Variants in BBS12 observed in about 807,000 individuals in gnomAD.
BBS12 encodes the protein Bardet-Biedl syndrome 12, also known as chaperonin-containing T-complex member BBS12.
In BBS12, 5 loss-of-function variants were observed where a neutral mutation model predicts 5.6. That is an observed-to-expected ratio of 0.89 (90% CI 0.46 to 1.86). The LOEUF is 1.86. Among genes scored for constraint, BBS12 ranks in the 40% most tolerant of loss-of-function variants. The probability of loss-of-function intolerance (pLI) is 0.01; values close to 1 mark genes in which losing one functional copy is unlikely to be tolerated. For missense variants in BBS12, 748 were observed against 830.4 expected (o/e 0.90, Z 1.22); for synonymous variants, 308 against 306.8 (o/e 1.00, Z -0.04).
At chr4:122,733,568 T>C (rs1166603639) in intron 1 of BBS12, among the ~76,000 whole-genome samples, 1 of 152,184 alleles carries the variant, frequency 6.6e-6, no homozygotes, top group Admixed American at 6.5e-5. Flanking sequence ...TGTGAAACTT[T>C]TGTAAACCAA....
At chr4:122,726,037 C>T in the BBS12 span, among the ~76,000 whole-genome samples, 55 of 151,730 alleles carry the variant, frequency 3.6e-4, 1 homozygote, top group Middle Eastern at 0.01. Context: ...ACCAAGAACC[C>T]AAAAGCAAAT....
At chr4:122,740,415 C>T (rs951057497) in intron 1 of BBS12, among the ~76,000 whole-genome samples, 1 of 152,218 alleles carries the variant, frequency 6.6e-6, no homozygotes, top group African/African-American at 2.4e-5. Context: ...ATGCCACATA[C>T]CTTTCCCATT....
At chr4:122,737,661 CT>C (rs1281288734) in intron 1 of BBS12, among the ~76,000 whole-genome samples, 1 of 152,202 alleles carries the variant, frequency 6.6e-6, no homozygotes, top group Non-Finnish European at 1.5e-5. Flanking sequence ...AGAGGAACCC[CT>C]ACCTCACACC....
rs745504524 is a variant in BBS12 at position 122,742,749 on chromosome 4, TAGA to T, written c.863_865del (p.Glu288del). 15 of 1,614,108 alleles carry T rather than the reference TAGA, an allele frequency of 9.3e-6. No individual in the cohort carries two copies. The African/African-American group carries it at 2.0e-4, about 22-fold the overall frequency. On this transcript the variant is annotated inframe_deletion, in exon 2 of 2. Coordinates refer to ENST00000314218, the MANE Select transcript of BBS12 (RefSeq NM_152618.3). ...GGAGATCACAGCAGCATGAAGTTAG[TAGA>T]AGAAGCAGTACAGCTGCAATATCAG...
the BBS12 span, among the ~76,000 whole-genome samples, chr4:122,709,741 A>G: frequency 1.3e-5 from 2 of 151,808 alleles, no homozygotes; most frequent in African/African-American, 4.8e-5. Flanking sequence ...TGCAACCTCC[A>G]CTTCCTGGGT....
At chr4:122,715,998 T>G in the BBS12 span, among the ~76,000 whole-genome samples, 1 of 152,188 alleles carries the variant, frequency 6.6e-6, no homozygotes, top group Non-Finnish European at 1.5e-5. Context: ...TTAGACCAAA[T>G]TCAATAAGTT....
At chr4:122,705,870 T>C in the BBS12 span, among the ~76,000 whole-genome samples, 3 of 152,346 alleles carry the variant, frequency 2.0e-5, no homozygotes, top group African/African-American at 7.2e-5. Flanking sequence ...GAAACAATAT[T>C]ATAATGTTTC....
At position 122,741,866 on chromosome 4, in the gene BBS12, T is replaced by C; in HGVS notation, c.-10-17T>C. The stretch of plus-strand genomic sequence containing the variant: ...AATTATACTGAATAAAGTTACAAGT[T>C]TTTATTTTGTTTGCAGATCATGATA... On this transcript the variant is annotated splice_polypyrimidine_tract_variant and intron_variant, in intron 1 of 1. Coordinates refer to ENST00000314218, the MANE Select transcript of BBS12 (RefSeq NM_152618.3). 6.2e-7 allele frequency: 1 copy of C among 1,601,648 alleles called. No homozygotes were observed. The highest frequency in any genetic ancestry group is 1.7e-4 in the Middle Eastern group (1 of 6,044).
the BBS12 span, among the ~76,000 whole-genome samples, chr4:122,717,889 C>T: frequency 6.6e-6 from 1 of 152,178 alleles, no homozygotes; most frequent in Non-Finnish European, 1.5e-5. Context: ...AAGATAACTC[C>T]TATTCCATGG....
At chr4:122,701,405 A>G in the BBS12 span, among the ~76,000 whole-genome samples, 2 of 147,472 alleles carry the variant, frequency 1.4e-5, no homozygotes, top group African/African-American at 2.5e-5. Flanking sequence ...TATTGCACCT[A>G]TAACATAACT....
At chr4:122,739,605 A>C (rs1800835038) in intron 1 of BBS12, among the ~76,000 whole-genome samples, 1 of 152,278 alleles carries the variant, frequency 6.6e-6, no homozygotes, top group African/African-American at 2.4e-5. Context: ...ACCCTAGAGC[A>C]CAAACCTTTG....
rs2150736540 is a variant in BBS12, at chr4:122,742,697, G to A, written c.805G>A (p.Val269Ile). The A allele has an allele frequency of 5.0e-6, 8 of 1,614,236 alleles. No individual in the cohort carries two copies. Among genetic ancestry groups the A allele is most frequent in the Non-Finnish European group, 5.1e-6 (6 of 1,180,036 alleles). The part of the protein sequence containing the change: ...THKTYRCNDL[V>I]ELAVGLSHGD... ...CAAAACTTACAGATGTAATGATTTGGTAGAGTTGGCAGTAGGCTTGAGTCA... is the reference window on the plus strand; with the variant it reads ...CAAAACTTACAGATGTAATGATTTGATAGAGTTGGCAGTAGGCTTGAGTCA... The change falls in exon 2 of 2, where the codon GTA becomes ATA. Residue 269 changes from valine to isoleucine, a missense_variant. Coordinates refer to ENST00000314218, the MANE Select transcript of BBS12 (RefSeq NM_152618.3).
At chr4:122,736,666 C>G (rs960987057) in intron 1 of BBS12, among the ~76,000 whole-genome samples, 3 of 152,128 alleles carry the variant, frequency 2.0e-5, no homozygotes, top group Non-Finnish European at 2.9e-5. Flanking sequence ...ACATGCATAG[C>G]AGGACAAGAA....
At position 122,742,926 on chromosome 4, in the gene BBS12, T is replaced by C; in HGVS notation, c.1034T>C (p.Val345Ala). Reference protein sequence around the residue: ...ITVVSVSNNPVIKELQNQPVR... With the variant: ...ITVVSVSNNPAIKELQNQPVR... The stretch of plus-strand genomic sequence containing the variant: ...GTTGTGTCAGTATCTAATAATCCTG[T>C]GATCAAGGAATTGCAGAATCAGCCT... The change falls in exon 2 of 2, where the codon GTG (valine) becomes GCG (alanine). Residue 345 changes from valine to alanine, a missense_variant. Transcript: ENST00000314218. 6.2e-7 allele frequency: 1 copy of C among 1,614,222 alleles called. No homozygotes were observed. Among genetic ancestry groups the C allele is most frequent in the Non-Finnish European group, 8.5e-7 (1 of 1,180,040 alleles).
upstream of BBS12, chr4:122,732,275 A>G (rs1330460640): frequency 6.6e-6 from 1 of 152,376 alleles, no homozygotes; most frequent in South Asian, 2.1e-4. Flanking sequence ...ATGATAAACT[A>G]TATTAAAGTA....
At position 122,742,797 on chromosome 4, in the gene BBS12, G is replaced by A; in HGVS notation, c.905G>A (p.Gly302Asp). The A allele has an allele frequency of 6.2e-7, 1 of 1,614,184 alleles. No homozygotes were observed. Among genetic ancestry groups the A allele is most frequent in the Non-Finnish European group, 8.5e-7 (1 of 1,180,024 alleles). Reference protein sequence around the residue: ...LQYQNACVQQGNCTKPFMFDI... With the variant: ...LQYQNACVQQDNCTKPFMFDI... The stretch of plus-strand genomic sequence containing the variant: ...TATCAGAATGCTTGTGTGCAACAAG[G>A]CAACTGTACAAAACCATTTATGTTT... Residue 302 changes from glycine (G) to aspartate (D), a missense_variant, in exon 2 of 2, where the codon GGC (glycine) becomes GAC (aspartate). Gly to Asp is a moderately conservative substitution (Grantham distance 94, BLOSUM62 -1). Transcript: ENST00000314218.
Position 122,742,680 on chromosome 4 carries a change from A to G in BBS12, c.788A>G (p.Tyr263Cys). Reference protein sequence around the residue: ...QEHVTATHKTYRCNDLVELAV... With the variant: ...QEHVTATHKTCRCNDLVELAV... ...CATGTTACAGCTACTCACAAAACTT[A>G]CAGATGTAATGATTTGGTAGAGTTG... Residue 263 changes from tyrosine (Y) to cysteine (C), a missense_variant, in exon 2 of 2, where the codon TAC becomes TGC. Physicochemically the swap from Tyr to Cys is radical, Grantham distance 194 (BLOSUM62 -2). Coordinates refer to ENST00000314218, the MANE Select transcript of BBS12 (RefSeq NM_152618.3). The G allele has an allele frequency of 6.2e-7, 1 of 1,614,248 alleles. No homozygotes were observed. The highest frequency in any genetic ancestry group is 1.1e-5 in the South Asian group (1 of 91,088).
the BBS12 span, among the ~76,000 whole-genome samples, chr4:122,712,523 G>A: frequency 2.0e-5 from 3 of 152,318 alleles, no homozygotes; most frequent in East Asian, 1.9e-4. Flanking sequence ...CCAGTCTTTC[G>A]AATGGACTGC....
chr4:122,727,428 T>G, the BBS12 span, among the ~76,000 whole-genome samples: 18 of 151,548 alleles, frequency 1.2e-4, no homozygotes, highest in African/African-American at 3.9e-4. Context: ...TTATTTTTAG[T>G]AGAGACAGGG....
Sources: allele counts gnomAD v4.1 joint callset (sites outside exome capture counted in the v4.1 genomes callset), GRCh38; gene constraint gnomAD v4.1.1; transcripts MANE v1.5; gene names NCBI Gene and HGNC (gene_info 2026-07-23, HGNC 2026-07-21).